ETNK1: variants seen among roughly 807,000 people sequenced by gnomAD.
The protein encoded by ETNK1 is putative protein product of Nbla10396.
Under a neutral mutation model 45.1 loss-of-function variants are expected in ETNK1, and 8 were observed. That is an observed-to-expected ratio of 0.18 (90% CI 0.10 to 0.32). The LOEUF (loss-of-function observed/expected upper bound fraction) is 0.32, where lower values mean the gene tolerates loss of function less well. Among genes scored for constraint, ETNK1 ranks in the 10% least tolerant of loss-of-function variants. The pLI, the probability that ETNK1 is intolerant of heterozygous loss-of-function variation, is 1.00. For synonymous variants in ETNK1, 152 were observed against 151.9 expected, an observed-to-expected ratio of 1.00 and a Z score of -0.01; for missense variants, 302 against 430.6, an observed-to-expected ratio of 0.70 and a Z score of 2.64.
At position 22,659,060 on chromosome 12, in the gene ETNK1, A is replaced by T; in HGVS notation, c.463A>T (p.Asn155Tyr). The change falls in exon 3 of 8, where the codon AAT becomes TAT. Residue 155 changes from asparagine (N) to tyrosine (Y), a missense_variant. Transcript: ENST00000266517. ...LAKIHAIHAH[N>Y]GWIPKSNLWL... ...TAAAATCCATGCTATTCATGCACAC[A>T]ATGGCTGGATCCCCAAATCTAATCT... 1 of 1,614,024 alleles carries T rather than the reference A, an allele frequency of 6.2e-7. No homozygotes were observed. The highest frequency in any genetic ancestry group is 8.5e-7 in the Non-Finnish European group (1 of 1,179,940).
At chr12:22,664,175 T>G (rs987396891) in intron 4 of ETNK1, among the ~76,000 whole-genome samples, 1 of 151,958 alleles carries the variant, frequency 6.6e-6, no homozygotes, top group Non-Finnish European at 1.5e-5. Context: ...TTAATAAATT[T>G]AATAGTCAAA....
intron 1 of ETNK1, among the ~76,000 whole-genome samples, chr12:22,632,476 A>C (rs1466440533): frequency 1.3e-5 from 2 of 151,928 alleles, no homozygotes; most frequent in Non-Finnish European, 1.5e-5. Context: ...GTTAAACATA[A>C]TGTGACTTAG....
At chr12:22,674,375 T>C (rs943813221) in intron 6 of ETNK1, among the ~76,000 whole-genome samples, 2 of 152,206 alleles carry the variant, frequency 1.3e-5, no homozygotes, top group African/African-American at 2.4e-5. Context: ...ATATTTGTTG[T>C]GTTGTCTCTA....
intron 2 of ETNK1, among the ~76,000 whole-genome samples, chr12:22,645,611 A>G (rs1953798648): frequency 6.6e-6 from 1 of 151,542 alleles, no homozygotes; most frequent in Admixed American, 6.6e-5. Context: ...AGTTGTACAT[A>G]TTTTTGTGGT....
chr12:22,643,499 CAG>C lies in ETNK1; in HGVS notation c.157-262_157-261del, dbSNP rs145494747. On this transcript the variant is annotated intron_variant, in intron 1 of 7. Transcript: ENST00000266517. ...GAAAGTTATATAGAAATATTGAAGA[CAG>C]AATGTATAATTAACACTTTGGATCA... Among the ~76,000 whole-genome samples the C allele has an allele frequency of 8.7e-3, 1,321 of 151,984 alleles. 23 individuals are homozygous for C. Among genetic ancestry groups the C allele is most frequent in the African/African-American group, 0.03 (1,263 of 41,464 alleles).
Position 22,627,756 on chromosome 12 carries a change from T to C in ETNK1, c.156+2170T>C, listed in dbSNP as rs1333181088. On this transcript the variant is annotated intron_variant, in intron 1 of 7. Transcript: ENST00000266517. ...GTATCAGTAATGTAGCCTGTTTTTTTCTCAGTTTTTTTCTAACATTTTTGT... is the reference window on the plus strand; with the variant it reads ...GTATCAGTAATGTAGCCTGTTTTTTCCTCAGTTTTTTTCTAACATTTTTGT... Among the ~76,000 whole-genome samples, 3 of 152,128 alleles carry C rather than the reference T, an allele frequency of 2.0e-5. No homozygotes were observed. In the East Asian group the frequency reaches 5.8e-4, roughly 29 times the overall value.
rs1437714786 is a variant in ETNK1 at position 22,690,591 on chromosome 12, A to C, written c.*5637A>C. On this transcript the variant is annotated 3_prime_UTR_variant, in exon 8 of 8. Coordinates refer to ENST00000266517, the MANE Select transcript of ETNK1 (RefSeq NM_018638.5). ...CTTTTTACCATTGATTAAATGAAGGAATGTATCTTTTTGAAGAGATTTATA... is the reference window on the plus strand; with the variant it reads ...CTTTTTACCATTGATTAAATGAAGGCATGTATCTTTTTGAAGAGATTTATA... The C allele has an allele frequency of 1.3e-5, 2 of 152,660 alleles. No individual in the cohort carries two copies. Among genetic ancestry groups the C allele is most frequent in the Non-Finnish European group, 2.9e-5 (2 of 67,954 alleles). 9.5% of individuals were successfully genotyped at this position (152,660 alleles called of 1,614,324 possible).
At chr12:22,674,039 G>A (rs1954137275) in intron 6 of ETNK1, among the ~76,000 whole-genome samples, 1 of 152,206 alleles carries the variant, frequency 6.6e-6, no homozygotes, top group African/African-American at 2.4e-5. Flanking sequence ...ACATTTTATG[G>A]TTAGATCTTA....
chr12:22,687,335 A>T lies in ETNK1; in HGVS notation c.*2381A>T, dbSNP rs1230060248. 1 of 152,198 alleles carries T rather than the reference A, an allele frequency of 6.6e-6. No homozygotes were observed. Among genetic ancestry groups the T allele is most frequent in the African/African-American group, 2.4e-5 (1 of 41,384 alleles). The allele number at this position is 152,198 out of a possible 1,614,324, so 9.4% of individuals were successfully genotyped here. On this transcript the variant is annotated 3_prime_UTR_variant, in exon 8 of 8. Coordinates refer to ENST00000266517, the MANE Select transcript of ETNK1 (RefSeq NM_018638.5). ...AGTGCTCTGAAATCATCCCTCTAAA[A>T]TCTGTCCTGTGGTGTGCTAAGATGT...
chr12:22,674,351 A>C (rs1362001136), intron 6 of ETNK1, among the ~76,000 whole-genome samples: 1 of 152,332 alleles, frequency 6.6e-6, no homozygotes, highest in East Asian at 1.9e-4. Flanking sequence ...AATTTTGTAT[A>C]GTTGACATGG....
chr12:22,637,429 C>T (rs1953670041), intron 1 of ETNK1, among the ~76,000 whole-genome samples: 2 of 152,174 alleles, frequency 1.3e-5, no homozygotes, highest in Admixed American at 1.3e-4. Context: ...CAGTGATTTT[C>T]AACCTTTTCT....
intron 1 of ETNK1, among the ~76,000 whole-genome samples, chr12:22,629,661 G>A (rs938129885): frequency 6.6e-5 from 10 of 152,114 alleles, no homozygotes; most frequent in African/African-American, 1.2e-4. Context: ...TTTTTAAAAA[G>A]ATGAGTTTGT....
At chr12:22,626,080 C>G (rs983101827) in intron 1 of ETNK1, 14 of 350,000 alleles carry the variant, frequency 4.0e-5, no homozygotes, top group African/African-American at 2.8e-4. Context: ...TACTCAATTC[C>G]CAAAGTAATG....
At chr12:22,648,257 T>A (rs1466506602) in intron 2 of ETNK1, among the ~76,000 whole-genome samples, 2 of 151,938 alleles carry the variant, frequency 1.3e-5, no homozygotes, top group Admixed American at 6.6e-5. Context: ...GCGTACACTC[T>A]TGGTGATGTA....
In ETNK1 at chr12:22,684,942, A is replaced by G. The variant is rs1954247208; in HGVS notation, c.1080A>G (p.Lys360=). ...TGAAGCCTGAGGTTACTGCATTAAA[A>G]GTGCCTGAGTAAAGAAGAGATTTAA... ...FKMKPEVTAL[K]VPE is the part of the protein sequence containing the mutation. Residue 360 remains lysine (K), a synonymous_variant, in exon 8 of 8, where the codon AAA becomes AAG. Transcript: ENST00000266517. 1 of 1,604,842 alleles carries G rather than the reference A, an allele frequency of 6.2e-7. No individual in the cohort carries two copies. The highest frequency in any genetic ancestry group is 1.7e-5 in the Admixed American group (1 of 58,072).
Position 22,641,913 on chromosome 12 carries a change from A to T in ETNK1, c.157-1850A>T, listed in dbSNP as rs76733221. On this transcript the variant is annotated intron_variant, in intron 1 of 7. Coordinates refer to ENST00000266517, the MANE Select transcript of ETNK1 (RefSeq NM_018638.5). ...CTTCATAAATGTTTAATTAGTGTTCAGTAATTTGTATTGAGTAATCATATC... is the reference window on the plus strand; with the variant it reads ...CTTCATAAATGTTTAATTAGTGTTCTGTAATTTGTATTGAGTAATCATATC... Among the ~76,000 whole-genome samples the T allele has an allele frequency of 1.7e-4, 26 of 152,280 alleles. No individual in the cohort carries two copies. In the East Asian group the frequency reaches 4.8e-3, roughly 28 times the overall value.
intron 2 of ETNK1, among the ~76,000 whole-genome samples, chr12:22,657,965 C>T (rs955726711): frequency 2.6e-5 from 4 of 151,964 alleles, no homozygotes; most frequent in Non-Finnish European, 1.5e-5. Context: ...TCTCTGTGGG[C>T]CTTACTTAAG....
At chr12:22,636,879 G>C (rs779894778) in intron 1 of ETNK1, among the ~76,000 whole-genome samples, 16 of 152,110 alleles carry the variant, frequency 1.1e-4, no homozygotes, top group Non-Finnish European at 1.9e-4. Context: ...CAGGCTTTCA[G>C]AACGTGTAAA....
intron 6 of ETNK1, among the ~76,000 whole-genome samples, chr12:22,679,635 G>A (rs1954194383): frequency 6.6e-6 from 1 of 151,954 alleles, no homozygotes; most frequent in Non-Finnish European, 1.5e-5. Context: ...TAGGGAGTGG[G>A]AGTAGTTGCA....
Sources: gnomAD v4.1 joint callset for allele counts (sites outside exome capture counted in the v4.1 genomes callset) on GRCh38, gnomAD v4.1.1 for gene constraint, MANE v1.5 for transcripts, NCBI Gene and HGNC (gene_info 2026-07-23, HGNC 2026-07-21) for gene names.